NCOA6: variants seen among roughly 807,000 people sequenced by gnomAD.
NCOA6 encodes the protein NRC RAP250.
Under a neutral mutation model 171.4 loss-of-function variants are expected in NCOA6, and 49 were observed. That is an observed-to-expected ratio of 0.29 (90% CI 0.23 to 0.36). NCOA6 has a LOEUF of 0.36. NCOA6 is among the 10% of genes least tolerant of loss of function. NCOA6 has a pLI of 1.00. For missense variants in NCOA6, 2,248 were observed against 2,554.5 expected (o/e 0.88, Z 2.59); for synonymous variants, 910 against 927.5 (o/e 0.98, Z 0.34).
In NCOA6 at chr20:34,746,917, G is replaced by A; in HGVS notation, c.2804C>T (p.Thr935Ile). 1 of 1,409,062 alleles carries A rather than the reference G, an allele frequency of 7.1e-7. No individual in the cohort carries two copies. The highest frequency in any genetic ancestry group is 9.5e-7 in the Non-Finnish European group (1 of 1,052,102). 87.3% of individuals were successfully genotyped at this position (1,409,062 alleles called of 1,614,324 possible). ...NSQQDLNTPD[T>I]RPAGLEEADQ... ...AGCCTCTTCCAGACCAGCTGGGCGA[G>A]TATCTGGGGTGCTAAAAAAAAAAAA... Residue 935 changes from threonine (T) to isoleucine (I), a missense_variant, in exon 10 of 15, where the codon ACT becomes ATT. Around this residue, in one of 7 missense-constraint regions of NCOA6, gnomAD observed 352 missense variants for 419.1 expected, o/e 0.84. Transcript: ENST00000359003.
At chr20:34,717,400 A>G (rs1988742802) in intron 14 of NCOA6, among the ~76,000 whole-genome samples, 1 of 152,158 alleles carries the variant, frequency 6.6e-6, no homozygotes, top group South Asian at 2.1e-4. Context: ...TGGTGAGCCG[A>G]GATTGCGCCA....
intron 10 of NCOA6, among the ~76,000 whole-genome samples, chr20:34,744,088 A>T (rs553733037): frequency 2.6e-5 from 4 of 152,376 alleles, no homozygotes; most frequent in African/African-American, 9.6e-5. Context: ...AAATTAGGGC[A>T]TTGAAGTTTT....
chr20:34,724,127 G>C (rs970172921), intron 14 of NCOA6, among the ~76,000 whole-genome samples: 1 of 152,156 alleles, frequency 6.6e-6, no homozygotes, highest in African/African-American at 2.4e-5. Context: ...TCTGCCTAGA[G>C]ATGATTCCCA....
At chr20:34,756,053 G>A (rs2076631290) in intron 7 of NCOA6, among the ~76,000 whole-genome samples, 1 of 152,036 alleles carries the variant, frequency 6.6e-6, no homozygotes, top group African/African-American at 2.4e-5. Flanking sequence ...TTTTTTAAGG[G>A]CCAAATTTTC....
Position 34,741,713 on chromosome 20 carries a change from C to A in NCOA6, c.4543G>T (p.Val1515Leu). The A allele has an allele frequency of 1.2e-6, 2 of 1,614,218 alleles. No homozygotes were observed. The highest frequency in any genetic ancestry group is 1.7e-6 in the Non-Finnish European group (2 of 1,180,040). Reference protein sequence around the residue: ...IKPPGLTDLEVTPPVVSGEDL... With the variant: ...IKPPGLTDLELTPPVVSGEDL... The stretch of plus-strand genomic sequence containing the variant: ...TCCCCAGAAACTACTGGAGGTGTTA[C>A]TTCCAGATCTGTAAGCCCAGGGGGT... Residue 1515 changes from valine (V) to leucine (L), a missense_variant, in exon 11 of 15, where the codon GTA becomes TTA. Val to Leu is a conservative substitution (Grantham distance 32). Around this residue, in one of 7 missense-constraint regions of NCOA6, gnomAD observed 884 missense variants for 941.9 expected, o/e 0.94. Coordinates refer to ENST00000359003, the MANE Select transcript of NCOA6 (RefSeq NM_014071.5).
At chr20:34,814,329 A>G (rs1477903568) in intron 1 of NCOA6, among the ~76,000 whole-genome samples, 1 of 151,814 alleles carries the variant, frequency 6.6e-6, no homozygotes, top group Non-Finnish European at 1.5e-5. Context: ...ACAGAGTAAG[A>G]CTCCATCTTG....
intron 8 of NCOA6, among the ~76,000 whole-genome samples, chr20:34,753,237 G>C (rs2145759753): frequency 6.6e-6 from 1 of 151,298 alleles, no homozygotes; most frequent in East Asian, 2.1e-4. Flanking sequence ...AGTAGAGACA[G>C]GGTTTTACCA....
intron 9 of NCOA6, among the ~76,000 whole-genome samples, chr20:34,747,324 T>C (rs2076338226): frequency 6.6e-6 from 1 of 152,178 alleles, no homozygotes; most frequent in Non-Finnish European, 1.5e-5. Flanking sequence ...GATTGTTTCT[T>C]TTTTGTGGAT....
chr20:34,717,117 GA>G (rs941501434), intron 14 of NCOA6, among the ~76,000 whole-genome samples: 1 of 152,144 alleles, frequency 6.6e-6, no homozygotes, highest in Non-Finnish European at 1.5e-5. Flanking sequence ...AGATTGTAAG[GA>G]AAAATTTCAC....
chr20:34,741,739 T>C lies in NCOA6; in HGVS notation c.4517A>G (p.Lys1506Arg). The C allele has an allele frequency of 6.2e-7, 1 of 1,614,066 alleles. No individual in the cohort carries two copies. The highest frequency in any genetic ancestry group is 1.7e-5 in the Admixed American group (1 of 60,004). The change falls in exon 11 of 15, where the codon AAA (lysine) becomes AGA (arginine). Residue 1506 changes from lysine (K) to arginine (R), a missense_variant. Physicochemically the swap from Lys to Arg is conservative, Grantham distance 26. Around this residue, in one of 7 missense-constraint regions of NCOA6, gnomAD observed 884 missense variants for 941.9 expected, o/e 0.94. Transcript: ENST00000359003. ...TTCCAGATCTGTAAGCCCAGGGGGT[T>C]TAATTGTCACATTGGGAGCTCCAGA... ...DNSGAPNVTI[K>R]PPGLTDLEVT...
intron 1 of NCOA6, among the ~76,000 whole-genome samples, chr20:34,802,801 A>G (rs914625717): frequency 6.6e-6 from 1 of 152,130 alleles, no homozygotes; most frequent in Non-Finnish European, 1.5e-5. Flanking sequence ...GCAAGTTGAG[A>G]GTTACACATT....
At chr20:34,778,360 G>C (rs2077406177) in intron 3 of NCOA6, among the ~76,000 whole-genome samples, 1 of 152,082 alleles carries the variant, frequency 6.6e-6, no homozygotes, top group Non-Finnish European at 1.5e-5. Context: ...ACAGATAGTA[G>C]AATGGTGGTT....
chr20:34,735,548 G>A (rs1339878440), intron 12 of NCOA6, among the ~76,000 whole-genome samples: 1 of 151,880 alleles, frequency 6.6e-6, no homozygotes, highest in Non-Finnish European at 1.5e-5. Flanking sequence ...GGAGGCTGAG[G>A]CAGGAGAATG....
intron 1 of NCOA6, among the ~76,000 whole-genome samples, chr20:34,813,470 A>T (rs1393269718): frequency 1.3e-5 from 2 of 152,070 alleles, no homozygotes. Flanking sequence ...TGTCTTAAAA[A>T]AAAAAAAAAA....
chr20:34,793,224 T>C (rs992991443), intron 1 of NCOA6, among the ~76,000 whole-genome samples: 1 of 152,140 alleles, frequency 6.6e-6, no homozygotes, highest in Non-Finnish European at 1.5e-5. Flanking sequence ...CATTCTTAAT[T>C]CTGTCCAGAT....
At chr20:34,747,725 A>G (rs2076349952) in intron 9 of NCOA6, among the ~76,000 whole-genome samples, 2 of 152,312 alleles carry the variant, frequency 1.3e-5, no homozygotes. Flanking sequence ...TTCATAAGCC[A>G]CAAAAATCCA....
At chr20:34,825,448 G>A (rs1402134574) in intron 1 of NCOA6, 24 bp downstream of exon 1, 1 of 148,920 alleles carries the variant, frequency 6.7e-6, no homozygotes, top group African/African-American at 2.4e-5. Flanking sequence ...CACCCCTTAC[G>A]GGCCCGCGCC....
Position 34,741,964 on chromosome 20 carries a change from T to G in NCOA6, c.4292A>C (p.Gln1431Pro). Residue 1431 changes from glutamine to proline, a missense_variant, in exon 11 of 15, where the codon CAG (glutamine) becomes CCG (proline). Gln to Pro is a moderately conservative substitution (Grantham distance 76). Around this residue, in one of 7 missense-constraint regions of NCOA6, gnomAD observed 884 missense variants for 941.9 expected, o/e 0.94. Coordinates refer to ENST00000359003, the MANE Select transcript of NCOA6 (RefSeq NM_014071.5). The stretch of plus-strand genomic sequence containing the variant: ...AATGTTTACCTGTTCCTTCCTACTC[T>G]GGGAATTCTGGCAATCACTGTCCTG... Reference protein sequence around the residue: ...VPQDSDCQNSQSRKEQVNIEL... With the variant: ...VPQDSDCQNSPSRKEQVNIEL... 6.2e-7 allele frequency: 1 copy of G among 1,614,230 alleles called. No individual in the cohort carries two copies. The highest frequency in any genetic ancestry group is 8.5e-7 in the Non-Finnish European group (1 of 1,180,030).
chr20:34,768,633 C>T (rs1286105874), intron 4 of NCOA6, 47 bp from the exon 5 acceptor site: 2 of 1,605,336 alleles, frequency 1.2e-6, no homozygotes, highest in South Asian at 1.1e-5. Flanking sequence ...GAATAAAATG[C>T]AAATTTTGTT....
Sources: gnomAD v4.1 joint callset for allele counts (sites outside exome capture counted in the v4.1 genomes callset) on GRCh38, gnomAD v4.1.1 for gene constraint, gnomAD v4.1.1 regional missense constraint, MANE v1.5 for transcripts, NCBI Gene and HGNC (gene_info 2026-07-23, HGNC 2026-07-21) for gene names.